Variants in GPC3 observed in about 807,000 individuals in gnomAD.
GPC3 encodes glypican 3, also known as glypican-3.
Under a neutral mutation model 34.4 loss-of-function variants are expected in GPC3, and 3 were observed. The observed-to-expected ratio is 0.09, with a 90% CI of 0.04 to 0.23. GPC3 has a LOEUF of 0.23. Among genes scored for constraint, GPC3 ranks in the 10% least tolerant of loss-of-function variants. GPC3 has a pLI of 1.00. For synonymous variants in GPC3, 177 were observed against 174.0 expected (o/e 1.02, Z -0.13); for missense variants, 351 against 445.6 (o/e 0.79, Z 1.91).
chrX:133,697,194 A>G (rs780580126), intron 4 of GPC3, among the ~76,000 whole-genome samples: 3 of 112,555 alleles, frequency 2.7e-5, no homozygotes, highest in Admixed American at 9.4e-5. Context: ...TTCCTTTATT[A>G]TTAAGGTTCG....
At chrX:133,805,443 A>G (rs1456841786) in intron 2 of GPC3, among the ~76,000 whole-genome samples, 2 of 112,040 alleles carry the variant, frequency 1.8e-5, no homozygotes, top group African/African-American at 3.2e-5. Context: ...GTTCTATGCC[A>G]AAGTTAGAGC....
At chrX:133,963,967 C>T (rs2076452130) in intron 1 of GPC3, among the ~76,000 whole-genome samples, 1 of 111,116 alleles carries the variant, frequency 9.0e-6, no homozygotes, top group African/African-American at 3.3e-5. Context: ...GACTCCTACA[C>T]TAGGTAGGAG....
At chrX:133,779,375 T>C (rs1366595431) in intron 2 of GPC3, among the ~76,000 whole-genome samples, 1 of 112,164 alleles carries the variant, frequency 8.9e-6, no homozygotes, top group Non-Finnish European at 1.9e-5. Flanking sequence ...ACATGAACTC[T>C]GGAACCAGAA....
intron 2 of GPC3, chrX:133,763,054 G>A (rs2071810970): frequency 7.4e-6 from 5 of 674,046 alleles, no homozygotes; most frequent in South Asian, 6.4e-5. Context: ...CCAGAGGGCC[G>A]TGCTAAAGTT....
At chrX:133,920,046 T>C (rs1569454842) in intron 2 of GPC3, among the ~76,000 whole-genome samples, 3 of 107,930 alleles carry the variant, frequency 2.8e-5, no homozygotes, top group Non-Finnish European at 5.7e-5. Flanking sequence ...ATGCCTGTAG[T>C]CCCAGCTACT....
rs5975425 is a variant in GPC3, at chrX:133,815,025, C to T, written c.338-60849G>A. 6.6e-3 allele frequency among the ~76,000 whole-genome samples: 736 copies of T among 110,824 alleles called. 6 individuals are homozygous for T. The highest frequency in any genetic ancestry group is 0.022 in the African/African-American group (684 of 30,481). ...AAATGTCTGAAAACCCAATGAAGCT[C>T]AATATAAAATAGAACAATGAGTTAG... On this transcript the variant is annotated intron_variant, in intron 2 of 7. Coordinates refer to ENST00000370818, the MANE Select transcript of GPC3 (RefSeq NM_004484.4).
intron 2 of GPC3, among the ~76,000 whole-genome samples, chrX:133,864,651 G>C (rs2075958072): frequency 8.9e-6 from 1 of 112,491 alleles, no homozygotes. Context: ...CAATTTAACA[G>C]TATTTTTTCT....
chrX:133,838,483 T>C (rs2075809206), intron 2 of GPC3, among the ~76,000 whole-genome samples: 1 of 112,659 alleles, frequency 8.9e-6, no homozygotes, highest in Admixed American at 9.4e-5. Flanking sequence ...TTTGGAAATA[T>C]CGTGTTTGAA....
At chrX:133,737,200 G>A (rs922501789) in intron 3 of GPC3, among the ~76,000 whole-genome samples, 5 of 112,346 alleles carry the variant, frequency 4.5e-5, no homozygotes, top group African/African-American at 1.6e-4. Flanking sequence ...AGAGGTTAGT[G>A]GAGAGGGAGG....
At chrX:133,765,073 T>C (rs2071832970) in intron 2 of GPC3, among the ~76,000 whole-genome samples, 1 of 111,979 alleles carries the variant, frequency 8.9e-6, no homozygotes, top group Admixed American at 9.5e-5. Context: ...ATAATCCACA[T>C]ACTGAGTAGT....
chrX:133,866,833 G>A (rs1043446884), intron 2 of GPC3, among the ~76,000 whole-genome samples: 2 of 110,804 alleles, frequency 1.8e-5, no homozygotes, highest in African/African-American at 6.6e-5. Flanking sequence ...TGGCCCTATG[G>A]GACCAACCGT....
intron 3 of GPC3, among the ~76,000 whole-genome samples, chrX:133,749,110 A>T (rs1185483707): frequency 2.7e-5 from 3 of 111,260 alleles, no homozygotes; most frequent in Non-Finnish European, 3.8e-5. Context: ...AAATACAAAA[A>T]ATTAGCCAGG....
At position 133,763,133 on chromosome X, in the gene GPC3, A is replaced by G; in HGVS notation, c.338-8957T>C. The G allele has an allele frequency of 4.2e-6, 3 of 721,502 alleles. No individual in the cohort carries two copies. The Admixed American group carries it at 6.6e-5, about 16-fold the overall frequency. The allele number at this position is 721,502 out of a possible 1,213,427, so 59.5% of individuals were successfully genotyped here. The stretch of plus-strand genomic sequence containing the variant: ...CCTGGAATCTTCACTAACCAGATCC[A>G]GGCAGCCTTTCAGGAGCCGCAGCTT... On this transcript the variant is annotated intron_variant, in intron 2 of 7. Coordinates refer to ENST00000370818, the MANE Select transcript of GPC3 (RefSeq NM_004484.4).
chrX:133,958,384 A>T (rs957798000), intron 1 of GPC3, among the ~76,000 whole-genome samples: 52 of 107,920 alleles, frequency 4.8e-4, no homozygotes, highest in African/African-American at 5.7e-4. Context: ...CTATAAAAAA[A>T]TTTTTTTTTA....
intron 2 of GPC3, among the ~76,000 whole-genome samples, chrX:133,782,877 A>G (rs1030189199): frequency 1.8e-5 from 2 of 111,509 alleles, no homozygotes; most frequent in African/African-American, 6.5e-5. Context: ...TATTACATCT[A>G]TGCAAACAGA....
chrX:133,662,127 C>A (rs2070734068), intron 5 of GPC3, among the ~76,000 whole-genome samples: 1 of 111,503 alleles, frequency 9.0e-6, no homozygotes, highest in South Asian at 3.8e-4. Context: ...TGCTCTCAGT[C>A]CAGTGGGGAG....
chrX:133,786,497 A>G (rs1443698927), intron 2 of GPC3, among the ~76,000 whole-genome samples: 1 of 112,424 alleles, frequency 8.9e-6, no homozygotes, highest in African/African-American at 3.2e-5. Context: ...TCCCCGGAGA[A>G]TCTCCGACCT....
intron 1 of GPC3, among the ~76,000 whole-genome samples, chrX:133,961,999 G>C (rs780717743): frequency 8.9e-6 from 1 of 112,052 alleles, no homozygotes; most frequent in South Asian, 3.8e-4. Flanking sequence ...AATGGAGTAA[G>C]GGCACAGGGG....
At chrX:133,776,471 G>A (rs927334175) in intron 2 of GPC3, among the ~76,000 whole-genome samples, 10 of 112,045 alleles carry the variant, frequency 8.9e-5, no homozygotes, top group African/African-American at 3.2e-4. Context: ...GTGGCAAAAT[G>A]TACCTACCTA....
Sources: gnomAD v4.1 joint callset for allele counts (sites outside exome capture counted in the v4.1 genomes callset) on GRCh38, gnomAD v4.1.1 for gene constraint, MANE v1.5 for transcripts, NCBI Gene and HGNC (gene_info 2026-07-23, HGNC 2026-07-21) for gene names.